GPC6: variants seen among roughly 807,000 people sequenced by gnomAD.
GPC6 encodes the protein glypican 6, also known as glypican-6.
Under a neutral mutation model 55.2 loss-of-function variants are expected in GPC6, and 14 were observed. The ratio of observed to expected loss-of-function variants is 0.25; its 90% confidence interval spans 0.17 to 0.40. The LOEUF (loss-of-function observed/expected upper bound fraction) is 0.40. Among genes scored for constraint, GPC6 ranks in the 10% least tolerant of loss-of-function variants. The pLI is 1.00. For missense variants in GPC6, 641 were observed against 708.5 expected, an observed-to-expected ratio of 0.90 and a Z score of 1.08; for synonymous variants, 278 against 259.6, an observed-to-expected ratio of 1.07 and a Z score of -0.68.
chr13:93,913,965 A>C (rs189184892), intron 3 of GPC6, among the ~76,000 whole-genome samples: 28 of 152,322 alleles, frequency 1.8e-4, no homozygotes, highest in Non-Finnish European at 2.9e-4. Context: ...TTTCTTCTGC[A>C]TTCTATGAAT....
intron 3 of GPC6, among the ~76,000 whole-genome samples, chr13:93,873,644 G>T (rs1889199004): frequency 6.6e-6 from 1 of 151,818 alleles, no homozygotes; most frequent in Non-Finnish European, 1.5e-5. Context: ...GGGAGACCTT[G>T]ATGCAGACCG....
intron 2 of GPC6, among the ~76,000 whole-genome samples, chr13:93,723,687 C>T (rs950263632): frequency 2.6e-5 from 4 of 151,916 alleles, no homozygotes; most frequent in African/African-American, 9.7e-5. Flanking sequence ...TGTAGTCAAC[C>T]AAAGCAGTTT....
chr13:94,357,819 A>G (rs1168001515), intron 6 of GPC6, among the ~76,000 whole-genome samples: 1 of 152,172 alleles, frequency 6.6e-6, no homozygotes, highest in East Asian at 1.9e-4. Context: ...AGTTCTTGTC[A>G]ATGTTGACAT....
chr13:94,148,766 G>C (rs1387849655), intron 4 of GPC6, among the ~76,000 whole-genome samples: 2 of 152,162 alleles, frequency 1.3e-5, no homozygotes, highest in Admixed American at 1.3e-4. Flanking sequence ...GGATAGAGGA[G>C]AGGTTAAGAG....
At chr13:93,732,473 T>G (rs1594409626) in intron 2 of GPC6, among the ~76,000 whole-genome samples, 1 of 152,276 alleles carries the variant, frequency 6.6e-6, no homozygotes, top group East Asian at 1.9e-4. Context: ...AATTGAGATA[T>G]GATTAAAAAG....
intron 1 of GPC6, among the ~76,000 whole-genome samples, chr13:93,236,571 T>C (rs1317063353): frequency 6.6e-6 from 1 of 152,188 alleles, no homozygotes; most frequent in Non-Finnish European, 1.5e-5. Context: ...TAGCTTTTCA[T>C]AGGAGCATGA....
At chr13:93,937,982 C>T (rs376528345) in intron 3 of GPC6, among the ~76,000 whole-genome samples, 209 of 152,224 alleles carry the variant, frequency 1.4e-3, no homozygotes, top group Middle Eastern at 0.01. Context: ...TTTTTAAATA[C>T]AGAATTGCCT....
At chr13:93,280,094 AG>A (rs1279617458) in intron 1 of GPC6, among the ~76,000 whole-genome samples, 1 of 152,152 alleles carries the variant, frequency 6.6e-6, no homozygotes, top group African/African-American at 2.4e-5. Flanking sequence ...CTTCACCTGA[AG>A]GCATTTTTTC....
At chr13:94,354,436 C>A (rs1428347823) in intron 6 of GPC6, among the ~76,000 whole-genome samples, 1 of 151,702 alleles carries the variant, frequency 6.6e-6, no homozygotes, top group Non-Finnish European at 1.5e-5. Context: ...AAGAAACAAA[C>A]CAAATGCATG....
chr13:93,516,145 T>C (rs1286026425), intron 1 of GPC6, among the ~76,000 whole-genome samples: 1 of 152,152 alleles, frequency 6.6e-6, no homozygotes. Context: ...AGCCAGTGTG[T>C]GTTTTAGAGG....
chr13:93,938,116 T>A (rs1469212201), intron 3 of GPC6, among the ~76,000 whole-genome samples: 17 of 152,216 alleles, frequency 1.1e-4, no homozygotes, highest in Admixed American at 6.5e-5. Context: ...CAATGCAAGT[T>A]TATTCTAAAT....
At chr13:94,115,799 C>T (rs1886413182) in intron 4 of GPC6, among the ~76,000 whole-genome samples, 1 of 152,164 alleles carries the variant, frequency 6.6e-6, no homozygotes, top group African/African-American at 2.4e-5. Context: ...GACATTTTAG[C>T]TTTATACAGT....
intron 3 of GPC6, among the ~76,000 whole-genome samples, chr13:93,890,595 T>C (rs1875616222): frequency 6.6e-6 from 1 of 152,104 alleles, no homozygotes; most frequent in Non-Finnish European, 1.5e-5. Flanking sequence ...TACTTTGCTC[T>C]TTAAGTTCAT....
At chr13:94,017,734 A>C (rs1010627771) in intron 3 of GPC6, among the ~76,000 whole-genome samples, 3 of 152,050 alleles carry the variant, frequency 2.0e-5, no homozygotes, top group Admixed American at 2.0e-4. Context: ...GCTGGAGTGC[A>C]GTGGCACCAC....
chr13:94,181,876 A>C (rs760041376), intron 4 of GPC6, among the ~76,000 whole-genome samples: 1 of 152,210 alleles, frequency 6.6e-6, no homozygotes, highest in Non-Finnish European at 1.5e-5. Context: ...CTTCACATCC[A>C]TTAGTCCTGG....
At chr13:93,291,984 A>T (rs1393072720) in intron 1 of GPC6, among the ~76,000 whole-genome samples, 1 of 152,220 alleles carries the variant, frequency 6.6e-6, no homozygotes, top group African/African-American at 2.4e-5. Flanking sequence ...ATTTAATGCT[A>T]CAGTATAGCA....
chr13:93,910,014 A>G (rs1876880322), intron 3 of GPC6, among the ~76,000 whole-genome samples: 1 of 151,982 alleles, frequency 6.6e-6, no homozygotes, highest in African/African-American at 2.4e-5. Flanking sequence ...AGAGGAATTC[A>G]GGGGAAGAAT....
chr13:93,891,499 A>C (rs1875679678), intron 3 of GPC6, among the ~76,000 whole-genome samples: 1 of 152,152 alleles, frequency 6.6e-6, no homozygotes, highest in East Asian at 1.9e-4. Context: ...TCCCCTCTGC[A>C]GAAACACAGC....
intron 2 of GPC6, among the ~76,000 whole-genome samples, chr13:93,630,852 A>G (rs1879397187): frequency 6.6e-6 from 1 of 152,046 alleles, no homozygotes; most frequent in Non-Finnish European, 1.5e-5. Context: ...AAATATTCAC[A>G]TGTCAAAGTC....
Sources: gnomAD v4.1 joint callset for allele counts (sites outside exome capture counted in the v4.1 genomes callset) on GRCh38, gnomAD v4.1.1 for gene constraint, MANE v1.5 for transcripts, NCBI Gene and HGNC (gene_info 2026-07-23, HGNC 2026-07-21) for gene names.